Variants in SAMMSON observed in about 807,000 individuals in gnomAD.
SAMMSON encodes the protein long intergenic non-protein coding RNA 1212.
At chr3:70,193,475 T>C (rs1488117341) in intron 4 of SAMMSON, among the ~76,000 whole-genome samples, 1 of 152,120 alleles carries the variant, frequency 6.6e-6, no homozygotes, top group African/African-American at 2.4e-5. Flanking sequence ...AAATTTTTAT[T>C]TTTTGTAGAG....
intron 3 of SAMMSON, chr3:70,065,211 G>T (rs1276035733): frequency 6.6e-6 from 1 of 152,066 alleles, no homozygotes; most frequent in African/African-American, 2.4e-5. Flanking sequence ...AATCACAAAA[G>T]AGGTCACTGG....
chr3:70,222,667 A>G (rs1472503531), intron 4 of SAMMSON, among the ~76,000 whole-genome samples: 1 of 152,086 alleles, frequency 6.6e-6, no homozygotes, highest in Non-Finnish European at 1.5e-5. Context: ...CATCCTTACC[A>G]CTTAGCTAAT....
intron 4 of SAMMSON, among the ~76,000 whole-genome samples, chr3:70,237,356 C>G (rs1030597439): frequency 6.6e-6 from 1 of 152,146 alleles, no homozygotes; most frequent in Non-Finnish European, 1.5e-5. Context: ...TTTCCCATCC[C>G]TCTCATATGT....
chr3:70,270,159 A>G lies in SAMMSON; in HGVS notation n.674+20489A>G, dbSNP rs564556881. ...AATGTTTGATTATTTTGAAATTTGG[A>G]ATACGTAGACAAGTAGAATAGACTA... On this transcript the variant is annotated intron_variant and non_coding_transcript_variant, in intron 6 of 9. Transcript: ENST00000642114. 7.2e-5 allele frequency among the ~76,000 whole-genome samples: 11 copies of G among 152,316 alleles called. No homozygotes were observed. In the South Asian group the frequency reaches 2.3e-3, roughly 32 times the overall value.
At chr3:70,366,980 T>A (rs1349730077) in intron 9 of SAMMSON, among the ~76,000 whole-genome samples, 1 of 151,738 alleles carries the variant, frequency 6.6e-6, no homozygotes, top group African/African-American at 2.4e-5. Flanking sequence ...TTTTCTTTAC[T>A]GAGGTTTCCG....
chr3:70,426,917 A>C (rs774361094), intron 2 of SAMMSON, among the ~76,000 whole-genome samples: 1 of 152,244 alleles, frequency 6.6e-6, no homozygotes, highest in African/African-American at 2.4e-5. Context: ...GATCACTTTC[A>C]CATTTAACAT....
At chr3:70,327,558 T>A (rs545356960) in intron 7 of SAMMSON, among the ~76,000 whole-genome samples, 143 of 152,224 alleles carry the variant, frequency 9.4e-4, no homozygotes, top group Middle Eastern at 3.4e-3. Flanking sequence ...CAATCAAGTC[T>A]TCAGCAAAAT....
At chr3:70,161,606 G>T (rs923187489) in intron 4 of SAMMSON, among the ~76,000 whole-genome samples, 2 of 151,794 alleles carry the variant, frequency 1.3e-5, no homozygotes, top group Non-Finnish European at 2.9e-5. Flanking sequence ...ATTCATGAGG[G>T]ATATTGGTCT....
chr3:70,216,142 AT>A (rs1701409553), intron 4 of SAMMSON, among the ~76,000 whole-genome samples: 9 of 151,572 alleles, frequency 5.9e-5, no homozygotes, highest in Non-Finnish European at 8.8e-5. Flanking sequence ...ATAGATGTAT[AT>A]GTATATATCT....
chr3:70,279,974 A>G (rs1294713284), intron 6 of SAMMSON, among the ~76,000 whole-genome samples: 1 of 152,194 alleles, frequency 6.6e-6, no homozygotes, highest in Non-Finnish European at 1.5e-5. Context: ...GGTTGCTGTA[A>G]CAAAGTACAA....
intron 3 of SAMMSON, among the ~76,000 whole-genome samples, chr3:70,053,153 G>A (rs1373954818): frequency 6.6e-6 from 1 of 152,124 alleles, no homozygotes; most frequent in Non-Finnish European, 1.5e-5. Context: ...CTGGGAAATA[G>A]GTGGATATGG....
intron 4 of SAMMSON, among the ~76,000 whole-genome samples, chr3:70,221,349 G>A (rs192269619): frequency 4.6e-5 from 7 of 152,168 alleles, no homozygotes; most frequent in Non-Finnish European, 1.0e-4. Flanking sequence ...GTTATTATAC[G>A]TTCAATTTTC....
chr3:70,428,034 G>T (rs1701385840), intron 2 of SAMMSON, among the ~76,000 whole-genome samples: 1 of 152,082 alleles, frequency 6.6e-6, no homozygotes, highest in Non-Finnish European at 1.5e-5. Flanking sequence ...GTAGCGTAAA[G>T]TTGGCAAAAT....
At chr3:70,336,777 T>G (rs539560742) in intron 7 of SAMMSON, among the ~76,000 whole-genome samples, 138 of 151,142 alleles carry the variant, frequency 9.1e-4, no homozygotes, top group African/African-American at 3.1e-3. Context: ...ATCATCATCT[T>G]TCCTTTTTGT....
At chr3:70,207,177 A>ATTGCCCAC (rs1701299324) in intron 4 of SAMMSON, among the ~76,000 whole-genome samples, 1 of 152,056 alleles carries the variant, frequency 6.6e-6, no homozygotes, top group Non-Finnish European at 1.5e-5. Context: ...TGTGGTGGGC[A>ATTGCCCAC]ATACTGCTGA....
chr3:70,123,212 G>T (rs891077149), intron 4 of SAMMSON, among the ~76,000 whole-genome samples: 4 of 152,118 alleles, frequency 2.6e-5, no homozygotes, highest in African/African-American at 9.7e-5. Context: ...GCTGGACTGG[G>T]GACATACTTT....
intron 4 of SAMMSON, among the ~76,000 whole-genome samples, chr3:70,152,155 T>C (rs1039351518): frequency 2.6e-5 from 4 of 151,954 alleles, no homozygotes; most frequent in Admixed American, 2.0e-4. Flanking sequence ...TGCAGAAATA[T>C]GTTTATCCTT....
intron 4 of SAMMSON, among the ~76,000 whole-genome samples, chr3:70,107,810 C>T (rs897603452): frequency 6.6e-6 from 1 of 151,882 alleles, no homozygotes; most frequent in East Asian, 1.9e-4. Context: ...AATGAAGGGA[C>T]CCAGATACAT....
chr3:70,343,575 T>C (rs1474067251), intron 7 of SAMMSON, among the ~76,000 whole-genome samples: 1 of 152,182 alleles, frequency 6.6e-6, no homozygotes, highest in Non-Finnish European at 1.5e-5. Flanking sequence ...TCACATTATA[T>C]CAAGGGTATA....
Sources: allele counts gnomAD v4.1 joint callset (sites outside exome capture counted in the v4.1 genomes callset), GRCh38; gene constraint gnomAD v4.1.1; transcripts MANE v1.5; gene names NCBI Gene and HGNC (gene_info 2026-07-23, HGNC 2026-07-21).